Variants in MBD5 observed in about 807,000 individuals in gnomAD.
MBD5 encodes the protein methyl-CpG-binding domain protein 5.
In MBD5, 13 loss-of-function variants were observed where a neutral mutation model predicts 117.3. That is an observed-to-expected ratio of 0.11 (90% CI 0.07 to 0.18). The LOEUF is 0.18. Among genes scored for constraint, MBD5 ranks in the 10% least tolerant of loss-of-function variants. The probability of loss-of-function intolerance (pLI) is 1.00; values close to 1 mark genes in which losing one functional copy is unlikely to be tolerated. For synonymous variants in MBD5, 727 were observed against 766.4 expected, an observed-to-expected ratio of 0.95 and a Z score of 0.85; for missense variants, 1,879 against 2,093.8, an observed-to-expected ratio of 0.90 and a Z score of 2.00.
chr2:148,271,747 G>C (rs183457712), intron 3 of MBD5, among the ~76,000 whole-genome samples: 1 of 151,966 alleles, frequency 6.6e-6, no homozygotes, highest in Non-Finnish European at 1.5e-5. Context: ...AATCAAGCTA[G>C]TTAGCATATG....
rs191504580 is a variant in MBD5, at chr2:148,196,797, C to T, written c.-831+18004C>T. Among the ~76,000 whole-genome samples the T allele has an allele frequency of 2.6e-5, 4 of 152,176 alleles. No individual in the cohort carries two copies. The East Asian group carries it at 7.7e-4, about 29-fold the overall frequency. On this transcript the variant is annotated intron_variant, in intron 2 of 13. Coordinates refer to ENST00000642680, the MANE Select transcript of MBD5 (RefSeq NM_001378120.1). ...CATGTTTGGGATTATTTTATTGTGT[C>T]AGACAAAGTAGGCTCTTTTATAAGC...
chr2:148,114,451 T>C lies in MBD5; in HGVS notation c.-924-64249T>C, dbSNP rs147884907. ...CACCATTGCACTCCAGCCTGGGCAA[T>C]AGAGTGAGAGTCCATCTCAAAAAAA... On this transcript the variant is annotated intron_variant, in intron 1 of 13. Transcript: ENST00000642680. 2.6e-3 allele frequency among the ~76,000 whole-genome samples: 401 copies of C among 152,072 alleles called. 1 individual carries two copies. Among genetic ancestry groups the C allele is most frequent in the African/African-American group, 9.0e-3 (374 of 41,512 alleles).
At chr2:148,054,260 A>G (rs1694797836) in intron 1 of MBD5, 1 of 152,194 alleles carries the variant, frequency 6.6e-6, no homozygotes, top group South Asian at 2.1e-4. Context: ...CATATGTTCA[A>G]GAATTACTCT....
At chr2:148,284,490 G>A (rs1701325848) in intron 3 of MBD5, among the ~76,000 whole-genome samples, 2 of 152,172 alleles carry the variant, frequency 1.3e-5, no homozygotes, top group Admixed American at 1.3e-4. Flanking sequence ...ACTTGCATTT[G>A]ATCTGGGTTT....
At chr2:148,360,587 C>A (rs1181673702) in intron 4 of MBD5, among the ~76,000 whole-genome samples, 1 of 152,076 alleles carries the variant, frequency 6.6e-6, no homozygotes, top group East Asian at 1.9e-4. Flanking sequence ...TTTCTGGTGG[C>A]TATACAGAAA....
At chr2:148,367,146 C>A (rs562950190) in intron 4 of MBD5, among the ~76,000 whole-genome samples, 1 of 152,250 alleles carries the variant, frequency 6.6e-6, no homozygotes, top group Admixed American at 6.5e-5. Context: ...ACCAATGGAA[C>A]AGAACAGAGG....
chr2:148,085,179 C>A (rs1281135387), intron 1 of MBD5, among the ~76,000 whole-genome samples: 1 of 152,156 alleles, frequency 6.6e-6, no homozygotes, highest in Non-Finnish European at 1.5e-5. Flanking sequence ...TGAGAGGAAA[C>A]AAGGAATGGT....
chr2:148,091,758 G>A (rs974655491), intron 1 of MBD5, among the ~76,000 whole-genome samples: 3 of 152,134 alleles, frequency 2.0e-5, no homozygotes, highest in African/African-American at 4.8e-5. Flanking sequence ...GCAAAGAGTT[G>A]ATGACCAAGA....
chr2:148,140,486 C>T (rs960474152), intron 1 of MBD5, among the ~76,000 whole-genome samples: 2 of 152,100 alleles, frequency 1.3e-5, no homozygotes, highest in African/African-American at 4.8e-5. Context: ...TCACAATTCT[C>T]CCATTTAGTT....
chr2:148,472,236 A>G (rs1680820941), intron 8 of MBD5: 1 of 151,964 alleles, frequency 6.6e-6, no homozygotes, highest in Non-Finnish European at 1.5e-5. Context: ...TCTGACCTGT[A>G]CTGTTACTGC....
At chr2:148,391,282 T>TG (rs1553509534) in intron 4 of MBD5, among the ~76,000 whole-genome samples, 1 of 151,900 alleles carries the variant, frequency 6.6e-6, no homozygotes, top group African/African-American at 2.4e-5. Flanking sequence ...CAGTATTTAC[T>TG]GGGAAAATAT....
At chr2:148,217,501 G>A (rs1308532037) in intron 2 of MBD5, among the ~76,000 whole-genome samples, 1 of 152,114 alleles carries the variant, frequency 6.6e-6, no homozygotes, top group South Asian at 2.1e-4. Flanking sequence ...TGGCCCCTGG[G>A]GATCAATGGA....
chr2:148,395,819 C>A (rs746462866), intron 4 of MBD5, among the ~76,000 whole-genome samples: 1 of 152,052 alleles, frequency 6.6e-6, no homozygotes, highest in Non-Finnish European at 1.5e-5. Flanking sequence ...GGAATCACAC[C>A]ATATAAGCCA....
At chr2:148,432,544 T>G (rs1706022367) in intron 4 of MBD5, among the ~76,000 whole-genome samples, 1 of 152,166 alleles carries the variant, frequency 6.6e-6, no homozygotes, top group Admixed American at 6.6e-5. Flanking sequence ...GATTTTTGTG[T>G]GTGGTATAAG....
intron 1 of MBD5, among the ~76,000 whole-genome samples, chr2:148,160,077 A>G: frequency 6.6e-6 from 1 of 152,182 alleles, no homozygotes; most frequent in Non-Finnish European, 1.5e-5. Context: ...TTTTCTAGAC[A>G]TATAGAACCC....
intron 4 of MBD5, among the ~76,000 whole-genome samples, chr2:148,379,838 A>G (rs553319060): frequency 6.6e-6 from 1 of 152,298 alleles, no homozygotes; most frequent in Non-Finnish European, 1.5e-5. Context: ...TTACAATCCA[A>G]TAGAGGGAGG....
intron 4 of MBD5, among the ~76,000 whole-genome samples, chr2:148,380,591 G>C (rs1280281347): frequency 6.6e-6 from 1 of 152,074 alleles, no homozygotes; most frequent in African/African-American, 2.4e-5. Context: ...TTAATCACTT[G>C]CATTAGAAAA....
chr2:148,413,884 A>T (rs1705341575), intron 4 of MBD5, among the ~76,000 whole-genome samples: 2 of 147,126 alleles, frequency 1.4e-5, no homozygotes, highest in African/African-American at 2.5e-5. Flanking sequence ...TCTAGCTAGC[A>T]GTATATCAAT....
intron 1 of MBD5, chr2:148,062,430 A>G (rs1286909657): frequency 6.6e-6 from 1 of 151,914 alleles, no homozygotes; most frequent in African/African-American, 2.4e-5. Context: ...AAGTTGCATA[A>G]CCTGCTTTTA....
Sources: allele counts gnomAD v4.1 joint callset (sites outside exome capture counted in the v4.1 genomes callset), GRCh38; gene constraint gnomAD v4.1.1; transcripts MANE v1.5; gene names NCBI Gene and HGNC (gene_info 2026-07-23, HGNC 2026-07-21).